BCL11B: variants seen among roughly 807,000 people sequenced by gnomAD.
BCL11B encodes B-cell lymphoma/leukemia 11B.
In BCL11B, 8 loss-of-function variants were observed where a neutral mutation model predicts 49.9. That is an observed-to-expected ratio of 0.16 (90% CI 0.09 to 0.29). BCL11B has a LOEUF of 0.29. BCL11B is among the 10% of genes least tolerant of loss of function. The pLI, the probability that BCL11B is intolerant of heterozygous loss-of-function variation, is 1.00. For synonymous variants in BCL11B, 739 were observed against 637.4 expected (o/e 1.16, Z -2.40); for missense variants, 1,006 against 1,351.0 (o/e 0.74, Z 4.00).
chr14:99,181,632 C>T (rs1886706017), intron 3 of BCL11B, among the ~76,000 whole-genome samples: 1 of 152,216 alleles, frequency 6.6e-6, no homozygotes, highest in Admixed American at 6.5e-5. Flanking sequence ...TTGGTTGGAA[C>T]CCGGTCAGGT....
chr14:99,193,412 C>T (rs985138883), intron 3 of BCL11B, among the ~76,000 whole-genome samples: 1 of 152,032 alleles, frequency 6.6e-6, no homozygotes, highest in Non-Finnish European at 1.5e-5. Context: ...ACACAGTCTA[C>T]GTTCGTCCAC....
At position 99,217,106 on chromosome 14, in the gene BCL11B, G is replaced by GCA. The variant is rs565289253; in HGVS notation, c.640+14237_640+14238dup. On this transcript the variant is annotated intron_variant, in intron 3 of 3. Transcript: ENST00000357195. The stretch of plus-strand genomic sequence containing the variant: ...CACCCCCACATTCACACACTGACAT[G>GCA]CAAATACACATACACATATGTGCAC... 4.5e-3 allele frequency among the ~76,000 whole-genome samples: 680 copies of GCA among 151,982 alleles called. 5 individuals are homozygous for GCA. The highest frequency in any genetic ancestry group is 0.016 in the African/African-American group (643 of 41,422).
Position 99,172,264 on chromosome 14 carries a change from AT to A in BCL11B, c.*1886del, listed in dbSNP as rs1555375842. On this transcript the variant is annotated 3_prime_UTR_variant, in exon 4 of 4. Coordinates refer to ENST00000357195, the MANE Select transcript of BCL11B (RefSeq NM_138576.4). ...TTCAGCAGTAAATCACCTCCACTCC[AT>A]ATCTAAGCAGCGTTGTCCCAAAAAC... is the stretch of plus-strand genomic sequence containing the variant. The A allele has an allele frequency of 8.8e-6, 2 of 226,300 alleles. No individual in the cohort carries two copies. The highest frequency in any genetic ancestry group is 1.8e-5 in the Non-Finnish European group (2 of 113,586). 14.0% of individuals were successfully genotyped at this position (226,300 alleles called of 1,614,324 possible).
intron 2 of BCL11B, among the ~76,000 whole-genome samples, chr14:99,236,651 C>T (rs960360602): frequency 6.6e-6 from 1 of 152,018 alleles, no homozygotes; most frequent in African/African-American, 2.4e-5. Context: ...AGGCTCAGGC[C>T]CTGGTCTAAA....
rs1447273929 is a variant in BCL11B at position 99,174,813 on chromosome 14, G to T, written c.2023C>A (p.Pro675Thr). ...FPGLFPRKPA[P>T]LPSPGLNSAA... Reference sequence around the variant, plus strand: ...CTGTTGAGCCCGGGGCTGGGCAGCGGCGCGGGCTTGCGCGGGAAGAGCCCG... The same window carrying T: ...CTGTTGAGCCCGGGGCTGGGCAGCGTCGCGGGCTTGCGCGGGAAGAGCCCG... Residue 675 changes from proline to threonine, a missense_variant, in exon 4 of 4, where the codon CCG (proline) becomes ACG (threonine). Transcript: ENST00000357195. The T allele has an allele frequency of 7.2e-7, 1 of 1,384,610 alleles. No individual in the cohort carries two copies. The highest frequency in any genetic ancestry group is 1.7e-5 in the South Asian group (1 of 59,660). The allele number at this position is 1,384,610 out of a possible 1,614,324, so 85.8% of individuals were successfully genotyped here. A position where few individuals can be genotyped will look rare whatever the true frequency, so the allele number is the denominator to read the frequency against.
intron 2 of BCL11B, among the ~76,000 whole-genome samples, chr14:99,251,378 T>A (rs995614350): frequency 6.6e-6 from 1 of 152,130 alleles, no homozygotes; most frequent in South Asian, 2.1e-4. Context: ...TCAAACCTTA[T>A]AACAAGCCCA....
rs909132240 is a variant in BCL11B, at chr14:99,169,546, A to C, written c.*4605T>G. The C allele has an allele frequency of 2.4e-5, 5 of 206,198 alleles. No homozygotes were observed. Among genetic ancestry groups the C allele is most frequent in the African/African-American group, 1.1e-4 (5 of 43,906 alleles). The allele number at this position is 206,198 out of a possible 1,614,324, so 12.8% of individuals were successfully genotyped here. On this transcript the variant is annotated 3_prime_UTR_variant, in exon 4 of 4. Coordinates refer to ENST00000357195, the MANE Select transcript of BCL11B (RefSeq NM_138576.4). ...AGTGCCTGTTTCTTAAACAGAGCAC[A>C]AATACCAAGCAATAATAAATAGTTC...
intron 3 of BCL11B, among the ~76,000 whole-genome samples, chr14:99,225,056 A>G (rs1888120864): frequency 6.6e-6 from 1 of 152,122 alleles, no homozygotes; most frequent in Admixed American, 6.5e-5. Flanking sequence ...TCAACATCAG[A>G]GCTCTACCTG....
rs775752160 is a variant in BCL11B, at chr14:99,175,878, G to A, written c.958C>T (p.Pro320Ser). The A allele has an allele frequency of 1.4e-6, 2 of 1,469,142 alleles. No homozygotes were observed. The highest frequency in any genetic ancestry group is 2.6e-5 in the East Asian group (1 of 38,468). The allele number at this position is 1,469,142 out of a possible 1,614,324, so 91.0% of individuals were successfully genotyped here. ...LPGTPPLFSP[P>S]PRHHLDPHRL... ...TGCGGGTCCAGGTGGTGGCGCGGCG[G>A]GGGACTGAAGAGAGGCGGCGTGCCC... Residue 320 changes from proline (P) to serine (S), a missense_variant, in exon 4 of 4, where the codon CCG (proline) becomes TCG (serine). Coordinates refer to ENST00000357195, the MANE Select transcript of BCL11B (RefSeq NM_138576.4).
Position 99,192,733 on chromosome 14 carries a change from C to G in BCL11B, c.641-16538G>C, listed in dbSNP as rs1887069256. Reference sequence around the variant, plus strand: ...ATGAATGAGTGAGCTCAACTCTGAGCTCCAAGTTCCTTATCCATAAATGCG... The same window carrying G: ...ATGAATGAGTGAGCTCAACTCTGAGGTCCAAGTTCCTTATCCATAAATGCG... On this transcript the variant is annotated intron_variant, in intron 3 of 3. Coordinates refer to ENST00000357195, the MANE Select transcript of BCL11B (RefSeq NM_138576.4). The surrounding 1 kb of genome is among the most constrained non-coding windows in gnomAD (Gnocchi z 4.0). Among the ~76,000 whole-genome samples, 3 of 152,280 alleles carry G rather than the reference C, an allele frequency of 2.0e-5. No individual in the cohort carries two copies. In the South Asian group the frequency reaches 6.2e-4, roughly 32 times the overall value.
At position 99,175,012 on chromosome 14, in the gene BCL11B, C is replaced by T. The variant is rs1230544628; in HGVS notation, c.1824G>A (p.Pro608=). ...TGTCGGCCAGGAGCTCGCCGTACTG[C>T]GGCAGTGCGCCTAGGCCCACGTTCT... ...VMENVGLGAL[P]QYGELLADKQ... The change falls in exon 4 of 4, where the codon CCG becomes CCA. Residue 608 remains proline (P), a synonymous_variant. Coordinates refer to ENST00000357195, the MANE Select transcript of BCL11B (RefSeq NM_138576.4). 1.3e-6 allele frequency: 2 copies of T among 1,591,892 alleles called. No homozygotes were observed. Among genetic ancestry groups the T allele is most frequent in the Admixed American group, 1.7e-5 (1 of 59,660 alleles).
At chr14:99,229,119 A>G (rs199684680) in intron 3 of BCL11B, among the ~76,000 whole-genome samples, 81 of 137,948 alleles carry the variant, frequency 5.9e-4, no homozygotes, top group African/African-American at 1.9e-3. Context: ...TACAGGGATG[A>G]ATGGATGGAT....
chr14:99,261,688 C>T (rs1331125273), intron 1 of BCL11B, among the ~76,000 whole-genome samples: 1 of 152,202 alleles, frequency 6.6e-6, no homozygotes, highest in Non-Finnish European at 1.5e-5. Flanking sequence ...AAGTGTCGGG[C>T]AGCCCTGCAG....
chr14:99,233,285 C>T (rs1354265639), intron 2 of BCL11B, among the ~76,000 whole-genome samples: 3 of 152,136 alleles, frequency 2.0e-5, no homozygotes, highest in South Asian at 2.1e-4. Context: ...CCACCTCGCT[C>T]AGAAAAGATC....
rs906993659 is a variant in BCL11B, at chr14:99,184,881, C to T, written c.641-8686G>A. Among the ~76,000 whole-genome samples, 1 of 152,182 alleles carries T rather than the reference C, an allele frequency of 6.6e-6. No homozygotes were observed. The highest frequency in any genetic ancestry group is 2.4e-5 in the African/African-American group (1 of 41,452). On this transcript the variant is annotated intron_variant, in intron 3 of 3. Coordinates refer to ENST00000357195, the MANE Select transcript of BCL11B (RefSeq NM_138576.4). This position sits in a 1 kb window ranked among gnomAD's most constrained non-coding sequence, Gnocchi z 6.1. ...ACCCCTGCAGCAGAGGTGAGCTGTG[C>T]GGCTTCATCTGCCTGGACTTAATTC...
chr14:99,199,640 C>CTCTGTGTG (rs1168964373), intron 3 of BCL11B, among the ~76,000 whole-genome samples: 286 of 109,554 alleles, frequency 2.6e-3, no homozygotes, highest in South Asian at 8.7e-3. Context: ...TGGCTAAATG[C>CTCTGTGTG]TGTGTGTGTG....
In BCL11B at chr14:99,242,486, A is replaced by G. The variant is rs1888700482; in HGVS notation, c.428-10929T>C. Among the ~76,000 whole-genome samples the G allele has an allele frequency of 6.6e-6, 1 of 152,160 alleles. No individual in the cohort carries two copies. ...GAAGCACCAGACAGCTCCTGGCTCC[A>G]AGCCTGCACCATCGCAGACTCCAGG... On this transcript the variant is annotated intron_variant, in intron 2 of 3. Coordinates refer to ENST00000357195, the MANE Select transcript of BCL11B (RefSeq NM_138576.4). This position sits in a 1 kb window ranked among gnomAD's most constrained non-coding sequence, Gnocchi z 4.4.
rs1888355819 is a variant in BCL11B at position 99,232,066 on chromosome 14, C to T, written c.428-509G>A. On this transcript the variant is annotated intron_variant, in intron 2 of 3. Transcript: ENST00000357195. This position sits in a 1 kb window ranked among gnomAD's most constrained non-coding sequence, Gnocchi z 5.1. ...TCCGCCTCCAGCCTTGGGTCCGCCTCCAGGTGTCTGGGCTCTGTTAGCCTC... is the reference window on the plus strand; with the variant it reads ...TCCGCCTCCAGCCTTGGGTCCGCCTTCAGGTGTCTGGGCTCTGTTAGCCTC... Among the ~76,000 whole-genome samples, 1 of 152,164 alleles carries T rather than the reference C, an allele frequency of 6.6e-6. No homozygotes were observed. The highest frequency in any genetic ancestry group is 6.5e-5 in the Admixed American group (1 of 15,286).
At chr14:99,210,227 T>G (rs1023258201) in intron 3 of BCL11B, among the ~76,000 whole-genome samples, 1 of 152,118 alleles carries the variant, frequency 6.6e-6, no homozygotes, top group African/African-American at 2.4e-5. Context: ...CATGCCCAAC[T>G]CTAATGCGTC....
Sources: allele counts gnomAD v4.1 joint callset (sites outside exome capture counted in the v4.1 genomes callset), GRCh38; gene constraint gnomAD v4.1.1; non-coding constraint Gnocchi (gnomAD v3.1); transcripts MANE v1.5; gene names NCBI Gene and HGNC (gene_info 2026-07-23, HGNC 2026-07-21).